Variants in UBR3 observed in about 807,000 individuals in gnomAD.
The protein encoded by UBR3 is ubiquitin protein ligase E3 component n-recognin 3, also known as E3 ubiquitin-protein ligase UBR3.
A neutral mutation model predicts 243.2 loss-of-function variants in UBR3; 85 were observed. The observed-to-expected ratio is 0.35, with a 90% CI of 0.29 to 0.42. The LOEUF (loss-of-function observed/expected upper bound fraction) is 0.42, where lower values mean the gene tolerates loss of function less well. UBR3 is among the 10% of genes least tolerant of loss of function. UBR3 has a pLI of 1.00. For synonymous variants in UBR3, 748 were observed against 799.8 expected, an observed-to-expected ratio of 0.94 and a Z score of 1.09; for missense variants, 1,686 against 2,300.8, an observed-to-expected ratio of 0.73 and a Z score of 5.47.
chr2:169,954,990 A>G (rs2105365082), intron 23 of UBR3, among the ~76,000 whole-genome samples: 1 of 152,304 alleles, frequency 6.6e-6, no homozygotes, highest in East Asian at 1.9e-4. Flanking sequence ...TGGCACTTTT[A>G]AAGATTATGA....
At chr2:169,966,776 A>C (rs1020422898) in intron 24 of UBR3, among the ~76,000 whole-genome samples, 1 of 152,222 alleles carries the variant, frequency 6.6e-6, no homozygotes, top group Non-Finnish European at 1.5e-5. Context: ...AATGCTTAGA[A>C]TAGAATGGTA....
intron 33 of UBR3, among the ~76,000 whole-genome samples, chr2:170,057,050 A>AT (rs35560764): frequency 6.7e-5 from 10 of 149,974 alleles, no homozygotes; most frequent in Middle Eastern, 3.4e-3. Context: ...TTCTTGAAAG[A>AT]TTTTTTCCCC....
chr2:169,926,173 G>T (rs577042102), intron 14 of UBR3, among the ~76,000 whole-genome samples: 81 of 152,340 alleles, frequency 5.3e-4, no homozygotes, highest in Non-Finnish European at 6.3e-4. Flanking sequence ...TGGCTTGCAT[G>T]ACAGGCATTT....
intron 32 of UBR3, among the ~76,000 whole-genome samples, chr2:170,046,988 A>G (rs1461700843): frequency 6.6e-6 from 1 of 152,000 alleles, no homozygotes; most frequent in Non-Finnish European, 1.5e-5. Flanking sequence ...TCTTCAGACC[A>G]AAGCTTTATT....
At chr2:170,010,595 C>T (rs1013767155) in intron 29 of UBR3, among the ~76,000 whole-genome samples, 10 of 151,994 alleles carry the variant, frequency 6.6e-5, no homozygotes, top group Non-Finnish European at 1.2e-4. Context: ...AGTGGGAGAC[C>T]TTCTGGATCA....
chr2:170,053,945 C>G (rs1175206434), intron 32 of UBR3, among the ~76,000 whole-genome samples: 1 of 152,022 alleles, frequency 6.6e-6, no homozygotes, highest in Admixed American at 6.6e-5. Context: ...GCTCAGTTAT[C>G]CTGTTGAGAC....
intron 30 of UBR3, among the ~76,000 whole-genome samples, chr2:170,028,559 T>C (rs961587675): frequency 1.3e-5 from 2 of 151,682 alleles, no homozygotes; most frequent in Admixed American, 6.6e-5. Flanking sequence ...ATTTAATTAT[T>C]GTCATAATTA....
intron 22 of UBR3, among the ~76,000 whole-genome samples, chr2:169,949,075 C>T (rs1357027465): frequency 6.6e-6 from 1 of 151,850 alleles, no homozygotes; most frequent in African/African-American, 2.4e-5. Flanking sequence ...CCTTATATTT[C>T]AATTTAGTAA....
chr2:169,890,540 G>GATATATAT (rs1188196959), intron 5 of UBR3, among the ~76,000 whole-genome samples: 2 of 75,998 alleles, frequency 2.6e-5, no homozygotes, highest in South Asian at 5.5e-4. Context: ...GAGAGAGAGA[G>GATATATAT]ATATATATAT....
chr2:169,886,659 C>T (rs543998690), intron 5 of UBR3, among the ~76,000 whole-genome samples: 1 of 151,798 alleles, frequency 6.6e-6, no homozygotes, highest in Admixed American at 6.6e-5. Context: ...ATAAGCATAC[C>T]GTGTCTTCAT....
intron 32 of UBR3, 143 bp from the exon 33 acceptor site, chr2:170,055,317 C>A: frequency 1.1e-6 from 1 of 870,862 alleles, no homozygotes; most frequent in Non-Finnish European, 1.7e-6. Flanking sequence ...ACTGAGACCT[C>A]GTCTCAAAAA....
Position 170,036,281 on chromosome 2 carries a change from A to G in UBR3, c.4557-4601A>G, listed in dbSNP as rs75121249. Among the ~76,000 whole-genome samples the G allele has an allele frequency of 5.6e-3, 847 of 152,222 alleles. 8 individuals are homozygous for G. Among genetic ancestry groups the G allele is most frequent in the African/African-American group, 0.019 (797 of 41,562 alleles). ...TGAGAACAATTATGTATTTTAAAAT[A>G]TTAAGCATTTTAAAAGATAGTTATC... On this transcript the variant is annotated intron_variant, in intron 31 of 38. Transcript: ENST00000272793.
chr2:169,993,681 C>T (rs145805119), intron 25 of UBR3, among the ~76,000 whole-genome samples: 40 of 152,270 alleles, frequency 2.6e-4, no homozygotes, highest in Non-Finnish European at 5.1e-4. Context: ...TAAGTTTGAT[C>T]CCTTGGGTAA....
intron 36 of UBR3, among the ~76,000 whole-genome samples, chr2:170,074,403 C>A (rs62172049): frequency 6.6e-6 from 1 of 152,062 alleles, no homozygotes; most frequent in East Asian, 1.9e-4. Flanking sequence ...TAGGAACATG[C>A]GGCTGCTTAA....
chr2:169,915,793 C>T (rs983393316), intron 11 of UBR3, among the ~76,000 whole-genome samples: 4 of 152,046 alleles, frequency 2.6e-5, no homozygotes, highest in Admixed American at 6.6e-5. Context: ...ATCCAGTTTT[C>T]AATTCATTCA....
chr2:170,077,485 G>A, intron 36 of UBR3: 1 of 1,372,348 alleles, frequency 7.3e-7, no homozygotes, highest in Non-Finnish European at 9.8e-7. Flanking sequence ...CAAGCCCATT[G>A]GCCTGATGAA....
At chr2:169,916,348 A>T (rs971814523) in intron 11 of UBR3, among the ~76,000 whole-genome samples, 1 of 152,120 alleles carries the variant, frequency 6.6e-6, no homozygotes, top group African/African-American at 2.4e-5. Flanking sequence ...GACCAATCTC[A>T]TATATAAATA....
rs770674966 is a variant in UBR3 at position 169,857,064 on chromosome 2, G to GTTTTTTTTTTTTTTTTTTTTTTT, written c.546-15167_546-15145dup. ...ATGATTTCCAGCATAATTTTATTATGTTTTTTTTTTTTTTTTTTTTTTTTT... is the reference window on the plus strand; with the variant it reads ...ATGATTTCCAGCATAATTTTATTATGTTTTTTTTTTTTTTTTTTTTTTTTTTTTTTTTTTTTTTTTTTTTTTTT... On this transcript the variant is annotated intron_variant, in intron 1 of 38. Transcript: ENST00000272793. Among the ~76,000 whole-genome samples, 16 of 56,082 alleles carry GTTTTTTTTTTTTTTTTTTTTTTT rather than the reference G, an allele frequency of 2.9e-4. 5 individuals carry two copies. The highest frequency in any genetic ancestry group is 3.2e-4 in the Non-Finnish European group (10 of 31,394). 36.8% of individuals were successfully genotyped at this position (56,082 alleles called of 152,430 possible).
At chr2:170,046,323 T>C (rs1358565748) in intron 32 of UBR3, among the ~76,000 whole-genome samples, 4 of 152,186 alleles carry the variant, frequency 2.6e-5, no homozygotes, top group African/African-American at 9.6e-5. Flanking sequence ...AAAAGATCCA[T>C]ACATTGGATT....
Sources: allele counts gnomAD v4.1 joint callset (sites outside exome capture counted in the v4.1 genomes callset), GRCh38; gene constraint gnomAD v4.1.1; transcripts MANE v1.5; gene names NCBI Gene and HGNC (gene_info 2026-07-23, HGNC 2026-07-21).